The following CSMD1 variants were observed in gnomAD, a reference collection of about 807,000 sequenced individuals.
The protein encoded by CSMD1 is CUB and Sushi multiple domains 1, also known as CUB and sushi domain-containing protein 1.
Under a neutral mutation model 417.5 loss-of-function variants are expected in CSMD1, and 213 were observed. The observed-to-expected ratio is 0.51, with a 90% CI of 0.46 to 0.57. The LOEUF is 0.57. CSMD1 is among the 20% of genes least tolerant of loss of function. The pLI, the probability that CSMD1 is intolerant of heterozygous loss-of-function variation, is 0.00. For missense variants in CSMD1, 6,923 were observed against 4,529.7 expected (o/e 1.53, Z -15.17); for synonymous variants, 2,862 against 1,736.8 (o/e 1.65, Z -16.11).
At chr8:4,757,909 A>G (rs183596479) in intron 1 of CSMD1, among the ~76,000 whole-genome samples, 1 of 149,584 alleles carries the variant, frequency 6.7e-6, no homozygotes, top group East Asian at 2.0e-4. Context: ...AAGGGAGCCG[A>G]CATTGTGCCA....
At chr8:2,973,522 A>G (rs1369781425) in intron 56 of CSMD1, among the ~76,000 whole-genome samples, 1 of 152,222 alleles carries the variant, frequency 6.6e-6, no homozygotes, top group East Asian at 1.9e-4. Context: ...ACAATAGCCT[A>G]TTCAAATATG....
chr8:4,946,126 G>C (rs951546060), intron 1 of CSMD1, among the ~76,000 whole-genome samples: 2 of 152,018 alleles, frequency 1.3e-5, no homozygotes, highest in African/African-American at 4.8e-5. Flanking sequence ...AGTCCAATCG[G>C]GTTACAGGGA....
rs146702419 is a variant in CSMD1, at chr8:3,190,051, A to G, written c.5259T>C (p.Ile1753=). The change falls in exon 34 of 70, where the codon ATT becomes ATC. Residue 1753 remains isoleucine (I), a synonymous_variant. Coordinates refer to ENST00000635120, the MANE Select transcript of CSMD1 (RefSeq NM_033225.6). ...SVPEPRYGRR[I]GSEFSAGSIV... ...TGGAGCCGGCAGAAAACTCAGAACCAATTCTCCTTCCGTATCTGGGCTCGG... is the reference window on the plus strand; with the variant it reads ...TGGAGCCGGCAGAAAACTCAGAACCGATTCTCCTTCCGTATCTGGGCTCGG... 1.4e-5 allele frequency: 23 copies of G among 1,596,048 alleles called. No individual in the cohort carries two copies. The East Asian group carries it at 4.5e-4, about 31-fold the overall frequency.
intron 47 of CSMD1, 102 bp downstream of exon 47, chr8:3,096,747 A>G (rs559851421): frequency 8.6e-6 from 7 of 815,684 alleles, no homozygotes; most frequent in African/African-American, 7.0e-5. Flanking sequence ...AACATAAGTT[A>G]ACTCAAGAAT....
intron 29 of CSMD1, among the ~76,000 whole-genome samples, chr8:3,218,906 A>T (rs1008757516): frequency 5.3e-5 from 8 of 152,298 alleles, no homozygotes; most frequent in African/African-American, 1.9e-4. Flanking sequence ...ATTTTCATGT[A>T]CTTACATTTA....
chr8:3,437,015 G>C (rs1176493350), intron 12 of CSMD1, among the ~76,000 whole-genome samples: 2 of 152,130 alleles, frequency 1.3e-5, no homozygotes, highest in Non-Finnish European at 1.5e-5. Flanking sequence ...TGAAAACCTG[G>C]CTTATTGCTC....
intron 1 of CSMD1, among the ~76,000 whole-genome samples, chr8:4,748,646 C>T (rs1327857280): frequency 6.6e-6 from 1 of 152,162 alleles, no homozygotes; most frequent in African/African-American, 2.4e-5. Context: ...GGAATGTCTC[C>T]AGAATTTAAA....
intron 5 of CSMD1, among the ~76,000 whole-genome samples, chr8:3,885,716 A>T (rs1006106504): frequency 1.8e-4 from 28 of 152,122 alleles, no homozygotes; most frequent in African/African-American, 6.8e-4. Context: ...ATGAAATTTC[A>T]GGCACTCAGG....
intron 1 of CSMD1, among the ~76,000 whole-genome samples, chr8:4,906,615 G>A (rs763014367): frequency 6.6e-6 from 1 of 152,046 alleles, no homozygotes; most frequent in Admixed American, 6.5e-5. Context: ...TTGAAGTGCA[G>A]TGGCACAATC....
At chr8:4,536,323 C>T (rs551321703) in intron 2 of CSMD1, among the ~76,000 whole-genome samples, 1 of 152,158 alleles carries the variant, frequency 6.6e-6, no homozygotes, top group Non-Finnish European at 1.5e-5. Flanking sequence ...TTTCAGCACA[C>T]ACAACTTCCC....
intron 6 of CSMD1, among the ~76,000 whole-genome samples, chr8:3,722,066 G>A (rs1295028783): frequency 6.6e-6 from 1 of 152,150 alleles, no homozygotes; most frequent in African/African-American, 2.4e-5. Flanking sequence ...GAAGAGGCCG[G>A]GCAAAGTGGC....
rs1797975304 is a variant in CSMD1 at position 3,653,820 on chromosome 8, T to A, written c.1010-37023A>T. On this transcript the variant is annotated intron_variant, in intron 7 of 69. Transcript: ENST00000635120. ...CACAAGTTTAATGACCAATACATAT[T>A]TGATAGATTTAAATATATATATTTA... Among the ~76,000 whole-genome samples the A allele has an allele frequency of 2.0e-5, 3 of 152,174 alleles. No homozygotes were observed. The South Asian group carries it at 6.2e-4, about 32-fold the overall frequency.
At chr8:3,873,567 G>A (rs537816997) in intron 5 of CSMD1, among the ~76,000 whole-genome samples, 2 of 152,216 alleles carry the variant, frequency 1.3e-5, no homozygotes, top group Non-Finnish European at 2.9e-5. Flanking sequence ...TGGACGGTGG[G>A]AGGAGGGAGA....
intron 49 of CSMD1, among the ~76,000 whole-genome samples, chr8:3,078,079 T>C (rs1813818352): frequency 6.6e-6 from 1 of 152,226 alleles, no homozygotes; most frequent in Non-Finnish European, 1.5e-5. Flanking sequence ...CACATTAAAC[T>C]CCATTATAGC....
chr8:4,550,643 G>T (rs910794425), intron 2 of CSMD1, among the ~76,000 whole-genome samples: 13 of 152,072 alleles, frequency 8.5e-5, no homozygotes, highest in Admixed American at 8.5e-4. Flanking sequence ...GATTTAAAAG[G>T]ATCTCTAACA....
chr8:3,792,067 T>C (rs1799777253), intron 5 of CSMD1, among the ~76,000 whole-genome samples: 2 of 152,134 alleles, frequency 1.3e-5, no homozygotes, highest in East Asian at 1.9e-4. Flanking sequence ...ACCAAATCTC[T>C]ATGTTTTCCT....
intron 17 of CSMD1, among the ~76,000 whole-genome samples, chr8:3,390,643 G>T (rs1280295303): frequency 6.6e-6 from 1 of 150,664 alleles, no homozygotes; most frequent in Non-Finnish European, 1.5e-5. Flanking sequence ...GATACAAATA[G>T]TTACAAACAT....
At chr8:3,083,865 G>C (rs772298386) in intron 49 of CSMD1, among the ~76,000 whole-genome samples, 1 of 151,122 alleles carries the variant, frequency 6.6e-6, no homozygotes, top group East Asian at 2.0e-4. Flanking sequence ...TCACCATGTT[G>C]CCCAGGCTGG....
chr8:3,396,532 TA>T (rs765986669), intron 16 of CSMD1, among the ~76,000 whole-genome samples, 151 bp from the exon 17 acceptor site: 12 of 152,160 alleles, frequency 7.9e-5, no homozygotes, highest in Non-Finnish European at 1.2e-4. Context: ...TGGGTACAAA[TA>T]TAAGGATAGT....
Sources: gnomAD v4.1 joint callset for allele counts (sites outside exome capture counted in the v4.1 genomes callset) on GRCh38, gnomAD v4.1.1 for gene constraint, MANE v1.5 for transcripts, NCBI Gene and HGNC (gene_info 2026-07-23, HGNC 2026-07-21) for gene names.